The following OGN variants were observed in gnomAD, a reference collection of about 807,000 sequenced individuals.
OGN encodes osteoglycin, also known as mimecan.
A neutral mutation model predicts 30.8 loss-of-function variants in OGN; 19 were observed. The observed-to-expected ratio is 0.62, with a 90% confidence interval of 0.43 to 0.90. The LOEUF (loss-of-function observed/expected upper bound fraction) is 0.90, where lower values mean the gene tolerates loss of function less well. OGN is among the 40% of genes least tolerant of loss of function. The probability of loss-of-function intolerance (pLI) is 0.00; values close to 1 mark genes in which losing one functional copy is unlikely to be tolerated. For synonymous variants in OGN, 126 were observed against 128.3 expected, an observed-to-expected ratio of 0.98 and a Z score of 0.12; for missense variants, 283 against 349.7, an observed-to-expected ratio of 0.81 and a Z score of 1.52.
At chr9:92,396,675 C>T (rs1476790018) in intron 3 of OGN, among the ~76,000 whole-genome samples, 2 of 151,662 alleles carry the variant, frequency 1.3e-5, no homozygotes, top group Non-Finnish European at 2.9e-5. Context: ...AGCGATCCTC[C>T]TGCCTCAGCC....
chr9:92,401,700 G>T (rs973282251), intron 2 of OGN, among the ~76,000 whole-genome samples: 2 of 152,070 alleles, frequency 1.3e-5, no homozygotes, highest in Non-Finnish European at 2.9e-5. Context: ...TTAAGCCCTG[G>T]CTCTTGGATC....
chr9:92,389,272 G>A (rs1441135217), intron 5 of OGN, among the ~76,000 whole-genome samples: 1 of 152,138 alleles, frequency 6.6e-6, no homozygotes, highest in African/African-American at 2.4e-5. Flanking sequence ...TACCTAAACC[G>A]AAGTAGATTA....
Position 92,404,570 on chromosome 9 carries a change from A to G in OGN, c.-150T>C, listed in dbSNP as rs1489401655. The stretch of plus-strand genomic sequence containing the variant: ...TGTCTGTGCATTAGCCCCAAGTGGG[A>G]GGGTGAATGAGAAAAGCTATGTCTT... On this transcript the variant is annotated 5_prime_UTR_variant, in exon 1 of 7. Transcript: ENST00000375561. The G allele has an allele frequency of 3.1e-6, 4 of 1,293,358 alleles. No homozygotes were observed. Among genetic ancestry groups the G allele is most frequent in the Non-Finnish European group, 4.1e-6 (4 of 986,080 alleles). 80.1% of individuals were successfully genotyped at this position (1,293,358 alleles called of 1,614,324 possible). A position where few individuals can be genotyped will look rare whatever the true frequency, so the allele number is the denominator to read the frequency against.
At chr9:92,397,107 G>A (rs1842922346) in intron 3 of OGN, among the ~76,000 whole-genome samples, 1 of 151,906 alleles carries the variant, frequency 6.6e-6, no homozygotes, top group Admixed American at 6.6e-5. Flanking sequence ...AGCCCAGGAG[G>A]TCAAGACTGC....
chr9:92,403,404 T>C lies in OGN; in HGVS notation c.4A>G (p.Lys2Glu). The C allele has an allele frequency of 3.8e-6, 6 of 1,595,198 alleles. No individual in the cohort carries two copies. The highest frequency in any genetic ancestry group is 5.1e-6 in the Non-Finnish European group (6 of 1,172,526). Residue 2 changes from lysine to glutamate, a missense_variant, in exon 2 of 7, where the codon AAG (lysine) becomes GAG (glutamate). Lys to Glu is a moderately conservative substitution (Grantham distance 56). Coordinates refer to ENST00000375561, the MANE Select transcript of OGN (RefSeq NM_014057.5). ...AGGAGAAGTGTAGACTGCAGAGTCT[T>C]CATTTTAGCAAAAATCAAGGTGACT... M[K>E]TLQSTLLLLL...
rs16908345 is a variant in OGN, at chr9:92,402,513, A to G, written c.174+721T>C. On this transcript the variant is annotated intron_variant, in intron 2 of 6. Coordinates refer to ENST00000375561, the MANE Select transcript of OGN (RefSeq NM_014057.5). ...TGGGCAACAGATACTTAAGTGCTGT[A>G]TTAACTTTTTCCTTACCCAGCATTC... Among the ~76,000 whole-genome samples, 1,141 of 152,278 alleles carry G rather than the reference A, an allele frequency of 7.5e-3. 16 individuals carry two copies. The highest frequency in any genetic ancestry group is 0.026 in the African/African-American group (1,064 of 41,548).
chr9:92,404,500 G>T lies in OGN; in HGVS notation c.-80C>A, dbSNP rs1166236498. 111 of 1,289,904 alleles carry T rather than the reference G, an allele frequency of 8.6e-5. No individual in the cohort carries two copies. Among genetic ancestry groups the T allele is most frequent in the Non-Finnish European group, 1.1e-4 (108 of 984,722 alleles). 79.9% of individuals were successfully genotyped at this position (1,289,904 alleles called of 1,614,324 possible). The stretch of plus-strand genomic sequence containing the variant: ...ATATATGAAAAGTAAGCCTACCGTT[G>T]TAGCTGTTTTGAAGTTTTTTGTGGT... On this transcript the variant is annotated 5_prime_UTR_variant, in exon 1 of 7. Coordinates refer to ENST00000375561, the MANE Select transcript of OGN (RefSeq NM_014057.5).
intron 3 of OGN, among the ~76,000 whole-genome samples, chr9:92,397,993 C>A (rs1842960460): frequency 6.6e-6 from 1 of 152,168 alleles, no homozygotes; most frequent in Non-Finnish European, 1.5e-5. Flanking sequence ...AGCCTTCCAC[C>A]TTTCCGTATT....
chr9:92,390,765 A>G (rs1361852043), intron 4 of OGN, among the ~76,000 whole-genome samples: 2 of 152,226 alleles, frequency 1.3e-5, no homozygotes, highest in Non-Finnish European at 2.9e-5. Flanking sequence ...CTGGCCACAC[A>G]TTTCCATCAA....
chr9:92,388,038 A>G (rs1842506703), intron 5 of OGN, among the ~76,000 whole-genome samples: 1 of 152,114 alleles, frequency 6.6e-6, no homozygotes, highest in Admixed American at 6.5e-5. Context: ...TGCTAGGATT[A>G]CAGGCATGAG....
intron 3 of OGN, among the ~76,000 whole-genome samples, chr9:92,400,156 T>G (rs1015894246): frequency 5.3e-5 from 8 of 152,146 alleles, no homozygotes; most frequent in Admixed American, 3.9e-4. Context: ...TTGTTTTTGT[T>G]TTTGTTTTTT....
chr9:92,404,624 G>A, upstream of OGN: 1 of 1,281,642 alleles, frequency 7.8e-7, no homozygotes, highest in Non-Finnish European at 1.0e-6. Flanking sequence ...AAAATTTCAG[G>A]GCCCAGCAGC....
At chr9:92,397,332 G>A (rs1588095750) in intron 3 of OGN, among the ~76,000 whole-genome samples, 1 of 151,912 alleles carries the variant, frequency 6.6e-6, no homozygotes, top group Non-Finnish European at 1.5e-5. Flanking sequence ...TTTTTGGTTT[G>A]TTCATTTGTT....
At chr9:92,391,069 A>C in intron 4 of OGN, among the ~76,000 whole-genome samples, 1 of 151,812 alleles carries the variant, frequency 6.6e-6, no homozygotes, top group Admixed American at 6.6e-5. Context: ...GTTCGAGACC[A>C]GCCTGGCCAA....
chr9:92,400,654 A>T (rs1843075662), intron 3 of OGN, among the ~76,000 whole-genome samples: 1 of 152,220 alleles, frequency 6.6e-6, no homozygotes, highest in African/African-American at 2.4e-5. Flanking sequence ...TAGGACTTGT[A>T]ATTTGTTATT....
Position 92,385,488 on chromosome 9 carries a change from G to C in OGN, c.*132C>G. 1.3e-6 allele frequency: 1 copy of C among 766,592 alleles called. No individual in the cohort carries two copies. Among genetic ancestry groups the C allele is most frequent in the Non-Finnish European group, 2.1e-6 (1 of 486,862 alleles). The allele number at this position is 766,592 out of a possible 1,614,324, so 47.5% of individuals were successfully genotyped here. A position where few individuals can be genotyped will look rare whatever the true frequency, so the allele number is the denominator to read the frequency against. Reference sequence around the variant, plus strand: ...TATATGTAAGATTTTGAACATCCTTGCTTAAAATATTAAATTCCTTCAAAA... The same window carrying C: ...TATATGTAAGATTTTGAACATCCTTCCTTAAAATATTAAATTCCTTCAAAA... On this transcript the variant is annotated 3_prime_UTR_variant, in exon 7 of 7. Transcript: ENST00000375561.
intron 2 of OGN, 39 bp downstream of exon 2, chr9:92,403,195 A>T: frequency 7.4e-7 from 1 of 1,358,070 alleles, no homozygotes; most frequent in Non-Finnish European, 1.0e-6. Context: ...TTAAATGGGC[A>T]GTATTTTAGA....
At chr9:92,391,157 G>A (rs1842662514) in intron 4 of OGN, among the ~76,000 whole-genome samples, 1 of 151,880 alleles carries the variant, frequency 6.6e-6, no homozygotes, top group African/African-American at 2.4e-5. Flanking sequence ...AGCACTTTGG[G>A]AGGCCAAGGT....
chr9:92,386,511 C>T (rs1470871915), intron 5 of OGN, among the ~76,000 whole-genome samples: 1 of 151,918 alleles, frequency 6.6e-6, no homozygotes, highest in African/African-American at 2.4e-5. Flanking sequence ...TTATGATGGC[C>T]AGTGGAGCTC....
Sources: gnomAD v4.1 joint callset for allele counts (sites outside exome capture counted in the v4.1 genomes callset) on GRCh38, gnomAD v4.1.1 for gene constraint, MANE v1.5 for transcripts, NCBI Gene and HGNC (gene_info 2026-07-23, HGNC 2026-07-21) for gene names.